Variants in RGS17 observed in about 807,000 individuals in gnomAD.
RGS17 encodes the protein regulator of G-protein signaling 17.
Under a neutral mutation model 25.5 loss-of-function variants are expected in RGS17, and 12 were observed. The observed-to-expected ratio is 0.47, with a 90% CI of 0.30 to 0.76. The LOEUF is 0.76. Among genes scored for constraint, RGS17 ranks in the 30% least tolerant of loss-of-function variants. RGS17 has a pLI of 0.07. For synonymous variants in RGS17, 71 were observed against 76.9 expected, an observed-to-expected ratio of 0.92 and a Z score of 0.40; for missense variants, 196 against 242.2, an observed-to-expected ratio of 0.81 and a Z score of 1.27.
Position 153,130,904 on chromosome 6 carries a change from C to T in RGS17, c.-26+220G>A, listed in dbSNP as rs1038335617. Reference sequence around the variant, plus strand: ...GGCAGCGACGCGGGATTCAACTTCCCGGACCCGCGGCGCGGCCCCCGCTCC... The same window carrying T: ...GGCAGCGACGCGGGATTCAACTTCCTGGACCCGCGGCGCGGCCCCCGCTCC... On this transcript the variant is annotated intron_variant, in intron 1 of 4. Transcript: ENST00000206262. The surrounding 1 kb of genome is among the most constrained non-coding windows in gnomAD (Gnocchi z 6.4). Among the ~76,000 whole-genome samples the T allele has an allele frequency of 2.0e-5, 3 of 151,894 alleles. No individual in the cohort carries two copies. The highest frequency in any genetic ancestry group is 4.4e-5 in the Non-Finnish European group (3 of 67,944).
In RGS17 at chr6:153,008,304, A is replaced by T. The variant is rs1187516304; in HGVS notation, c.*3270T>A. 2.1e-5 allele frequency: 3 copies of T among 146,016 alleles called. No individual in the cohort carries two copies. The highest frequency in any genetic ancestry group is 5.1e-5 in the African/African-American group (2 of 39,040). The allele number at this position is 146,016 out of a possible 1,614,324, so 9.0% of individuals were successfully genotyped here. On this transcript the variant is annotated 3_prime_UTR_variant, in exon 5 of 5. Transcript: ENST00000206262. ...CTAAGACGGCATATCAGAACTGGTC[A>T]TTCTATGTACATATTTTAAGATTTC... is the stretch of plus-strand genomic sequence containing the variant.
intron 1 of RGS17, among the ~76,000 whole-genome samples, chr6:153,119,370 T>G (rs1777589689): frequency 6.6e-6 from 1 of 152,152 alleles, no homozygotes; most frequent in African/African-American, 2.4e-5. Context: ...CAAGGCAGCT[T>G]ACCTAACCAG....
chr6:153,012,110 C>T (rs114375334), intron 4 of RGS17, among the ~76,000 whole-genome samples: 1,597 of 152,272 alleles, frequency 0.01, 41 homozygotes, highest in African/African-American at 0.036. Flanking sequence ...TCACCTCCTG[C>T]TATTCTGTGA....
chr6:153,072,910 A>G (rs528127843), intron 1 of RGS17, among the ~76,000 whole-genome samples: 1 of 151,384 alleles, frequency 6.6e-6, no homozygotes, highest in Admixed American at 6.6e-5. Flanking sequence ...TCCATTTCAT[A>G]TGAGTTGTGA....
intron 1 of RGS17, among the ~76,000 whole-genome samples, chr6:153,101,530 G>T (rs1197280790): frequency 6.6e-6 from 1 of 152,156 alleles, no homozygotes; most frequent in Non-Finnish European, 1.5e-5. Flanking sequence ...TCATAAAATG[G>T]AACTGGAGAC....
intron 1 of RGS17, among the ~76,000 whole-genome samples, chr6:153,110,761 A>G (rs1777457867): frequency 6.6e-6 from 1 of 152,214 alleles, no homozygotes; most frequent in Non-Finnish European, 1.5e-5. Context: ...GCGACTGCTT[A>G]GACAGTGGGT....
chr6:153,090,573 G>A (rs2129121490), intron 1 of RGS17, among the ~76,000 whole-genome samples: 1 of 151,958 alleles, frequency 6.6e-6, no homozygotes, highest in East Asian at 1.9e-4. Context: ...GCTGCAGTGA[G>A]CTATGATTGA....
In RGS17 at chr6:153,007,985, CTAA is replaced by C. The variant is rs1779094397; in HGVS notation, c.*3586_*3588del. 1 of 151,982 alleles carries C rather than the reference CTAA, an allele frequency of 6.6e-6. No individual in the cohort carries two copies. Among genetic ancestry groups the C allele is most frequent in the Admixed American group, 6.6e-5 (1 of 15,256 alleles). The allele number at this position is 151,982 out of a possible 1,614,324, so 9.4% of individuals were successfully genotyped here. ...CTTTTACATTTCAACACCAAAGCAT[CTAA>C]TAATTGGTATTTTTTGAGATATAAT... On this transcript the variant is annotated 3_prime_UTR_variant, in exon 5 of 5. Transcript: ENST00000206262.
intron 1 of RGS17, among the ~76,000 whole-genome samples, chr6:153,093,669 T>C (rs1043308671): frequency 6.6e-6 from 1 of 152,168 alleles, no homozygotes; most frequent in Non-Finnish European, 1.5e-5. Context: ...ATCCACGTAG[T>C]CAAAGAGAAC....
rs557676520 is a variant in RGS17 at position 153,106,872 on chromosome 6, G to A, written c.-26+24252C>T. ...TGGTCTTGAACTCTTGACCTCAGGT[G>A]ATCTGCCCACCTCGGCCTCCCAAAG... On this transcript the variant is annotated intron_variant, in intron 1 of 4. Coordinates refer to ENST00000206262, the MANE Select transcript of RGS17 (RefSeq NM_012419.5). Among the ~76,000 whole-genome samples, 9 of 151,718 alleles carry A rather than the reference G, an allele frequency of 5.9e-5. No individual in the cohort carries two copies. In the East Asian group the frequency reaches 1.8e-3, roughly 31 times the overall value.
At chr6:153,053,132 T>G (rs1776485561) in intron 1 of RGS17, among the ~76,000 whole-genome samples, 1 of 152,246 alleles carries the variant, frequency 6.6e-6, no homozygotes, top group Non-Finnish European at 1.5e-5. Context: ...ACAACCAATA[T>G]TCTCATTTTT....
At chr6:153,018,855 G>T (rs1779210982) in intron 4 of RGS17, among the ~76,000 whole-genome samples, 1 of 152,184 alleles carries the variant, frequency 6.6e-6, no homozygotes, top group Non-Finnish European at 1.5e-5. Flanking sequence ...GGAAAATACA[G>T]TCAAGTGAGT....
chr6:153,083,350 T>G (rs1288802751), intron 1 of RGS17, among the ~76,000 whole-genome samples: 1 of 152,214 alleles, frequency 6.6e-6, no homozygotes, highest in African/African-American at 2.4e-5. Flanking sequence ...AAGAAAATAG[T>G]TACAGTTGTC....
At chr6:153,048,919 T>G (rs1776420805) in intron 1 of RGS17, among the ~76,000 whole-genome samples, 1 of 152,236 alleles carries the variant, frequency 6.6e-6, no homozygotes, top group Non-Finnish European at 1.5e-5. Flanking sequence ...CACTTTTGTC[T>G]GTTTTGTTCA....
At chr6:153,129,650 G>A (rs1362638829) in intron 1 of RGS17, among the ~76,000 whole-genome samples, 2 of 152,154 alleles carry the variant, frequency 1.3e-5, no homozygotes, top group East Asian at 3.9e-4. Context: ...TATTCTAGAT[G>A]GGAACCAAAC....
At chr6:153,078,757 G>A (rs1776924379) in intron 1 of RGS17, among the ~76,000 whole-genome samples, 1 of 151,672 alleles carries the variant, frequency 6.6e-6, no homozygotes, top group Non-Finnish European at 1.5e-5. Flanking sequence ...TTGGTAAATG[G>A]CATTACATAC....
At chr6:153,051,890 C>A (rs889836278) in intron 1 of RGS17, among the ~76,000 whole-genome samples, 6 of 152,138 alleles carry the variant, frequency 3.9e-5, no homozygotes, top group Non-Finnish European at 1.5e-5. Context: ...GAATTAGCTA[C>A]CTCAGCAGGA....
At chr6:153,093,546 T>C (rs1350069272) in intron 1 of RGS17, among the ~76,000 whole-genome samples, 1 of 152,218 alleles carries the variant, frequency 6.6e-6, no homozygotes, top group Non-Finnish European at 1.5e-5. Flanking sequence ...TGATCATTTC[T>C]TGCCTTACTT....
intron 2 of RGS17, among the ~76,000 whole-genome samples, chr6:153,042,564 T>C (rs2129110172): frequency 6.6e-6 from 1 of 152,336 alleles, no homozygotes; most frequent in Non-Finnish European, 1.5e-5. Context: ...ATTAAACCTC[T>C]TTTTCTTTAT....
Sources: allele counts gnomAD v4.1 joint callset (sites outside exome capture counted in the v4.1 genomes callset), GRCh38; gene constraint gnomAD v4.1.1; non-coding constraint Gnocchi (gnomAD v3.1); transcripts MANE v1.5; gene names NCBI Gene and HGNC (gene_info 2026-07-23, HGNC 2026-07-21).